SYCP1: variants seen among roughly 807,000 people sequenced by gnomAD.
SYCP1 encodes the protein synaptonemal complex protein 1.
In SYCP1, 64 loss-of-function variants were observed where a neutral mutation model predicts 153.1. That is an observed-to-expected ratio of 0.42 (90% CI 0.34 to 0.51). The LOEUF (loss-of-function observed/expected upper bound fraction) is 0.51. Among genes scored for constraint, SYCP1 ranks in the 20% least tolerant of loss-of-function variants. The probability of loss-of-function intolerance (pLI) is 0.06; values close to 1 mark genes in which losing one functional copy is unlikely to be tolerated. For synonymous variants in SYCP1, 384 were observed against 341.8 expected (o/e 1.12, Z -1.36); for missense variants, 997 against 1,049.0 (o/e 0.95, Z 0.68).
At chr1:114,918,618 G>T (rs1048577442) in intron 20 of SYCP1, among the ~76,000 whole-genome samples, 1 of 151,900 alleles carries the variant, frequency 6.6e-6, no homozygotes, top group Non-Finnish European at 1.5e-5. Flanking sequence ...GTTCCAGTCC[G>T]TGAACACGTA....
chr1:114,934,976 C>T (rs1669896657), intron 23 of SYCP1, among the ~76,000 whole-genome samples: 1 of 152,182 alleles, frequency 6.6e-6, no homozygotes, highest in Non-Finnish European at 1.5e-5. Context: ...TAACACCCAA[C>T]TGTCAACATT....
At chr1:114,933,453 A>G (rs953569236) in intron 23 of SYCP1, among the ~76,000 whole-genome samples, 11 of 152,214 alleles carry the variant, frequency 7.2e-5, no homozygotes, top group Non-Finnish European at 1.3e-4. Context: ...GAGAAACCAG[A>G]GCAGAAAAGC....
chr1:114,981,527 T>A lies in SYCP1; in HGVS notation c.2559+15T>A, dbSNP rs775766097. 3.2e-6 allele frequency: 5 copies of A among 1,573,590 alleles called. No individual in the cohort carries two copies. Among genetic ancestry groups the A allele is most frequent in the Non-Finnish European group, 4.3e-6 (5 of 1,168,174 alleles). On this transcript the variant is annotated intron_variant, in intron 29 of 31. Transcript: ENST00000369522. ...CATTGCCAAAGGTTTGTGTCTAAAT[T>A]TTCCATGTTAGTAGTAATTTTTTAA...
chr1:114,885,559 A>T lies in SYCP1; in HGVS notation c.935A>T (p.Gln312Leu). 6.3e-7 allele frequency: 1 copy of T among 1,578,728 alleles called. No individual in the cohort carries two copies. The highest frequency in any genetic ancestry group is 1.1e-5 in the South Asian group (1 of 87,044). The change falls in exon 13 of 32, where the codon CAA becomes CTA. Residue 312 changes from glutamine (Q) to leucine (L), a missense_variant. By Grantham distance (113) the Gln-to-Leu change is moderately radical. This residue lies in a region of SYCP1 where 285 missense variants were observed against 366.1 expected (regional missense o/e 0.78). Transcript: ENST00000369522. ...KTKLQSENLK[Q>L]SIEKQHHLTK... is the part of the protein sequence containing the mutation. Reference sequence around the variant, plus strand: ...GAATTACAGAGTGAAAACTTAAAACAATCAATTGAGAAACAGCATCATTTG... The same window carrying T: ...GAATTACAGAGTGAAAACTTAAAACTATCAATTGAGAAACAGCATCATTTG...
At chr1:114,898,347 T>C (rs1667195854) in intron 16 of SYCP1, among the ~76,000 whole-genome samples, 1 of 152,198 alleles carries the variant, frequency 6.6e-6, no homozygotes, top group Non-Finnish European at 1.5e-5. Context: ...TGCATTGTGC[T>C]TGGCTTTGGC....
chr1:114,856,507 T>C, intron 2 of SYCP1, 66 bp from the exon 3 acceptor site: 1 of 1,076,650 alleles, frequency 9.3e-7, no homozygotes. Context: ...CATATGTATA[T>C]ATTACACTAT....
At chr1:114,858,187 A>C (rs1283065926) in intron 5 of SYCP1, among the ~76,000 whole-genome samples, 1 of 152,082 alleles carries the variant, frequency 6.6e-6, no homozygotes, top group Non-Finnish European at 1.5e-5. Flanking sequence ...GTGAATCTTC[A>C]AACTGTTTGT....
chr1:114,905,163 T>A (rs1667734400), intron 16 of SYCP1, among the ~76,000 whole-genome samples: 1 of 152,202 alleles, frequency 6.6e-6, no homozygotes, highest in Non-Finnish European at 1.5e-5. Context: ...GCTATCTGTG[T>A]CTGGTTTTGG....
At chr1:114,964,246 T>G (rs1161817093) in intron 27 of SYCP1, among the ~76,000 whole-genome samples, 1 of 152,246 alleles carries the variant, frequency 6.6e-6, no homozygotes, top group Non-Finnish European at 1.5e-5. Context: ...TAAATTTGTT[T>G]AAGTTCCTTG....
At chr1:114,871,876 G>T (rs1665161300) in intron 8 of SYCP1, among the ~76,000 whole-genome samples, 1 of 152,184 alleles carries the variant, frequency 6.6e-6, no homozygotes, top group Admixed American at 6.5e-5. Context: ...GTGAGCCACT[G>T]CGCCTGGCCC....
At chr1:114,877,186 A>G (rs1222021379) in intron 11 of SYCP1, among the ~76,000 whole-genome samples, 1 of 152,156 alleles carries the variant, frequency 6.6e-6, no homozygotes, top group Non-Finnish European at 1.5e-5. Flanking sequence ...GCTATTCATA[A>G]TATCAATGAA....
intron 30 of SYCP1, among the ~76,000 whole-genome samples, chr1:114,985,319 A>G (rs1461223784): frequency 6.6e-6 from 1 of 151,962 alleles, no homozygotes; most frequent in African/African-American, 2.4e-5. Flanking sequence ...CAACTATAAC[A>G]TTTCCATCAC....
chr1:114,927,825 A>G (rs549389377), intron 23 of SYCP1, among the ~76,000 whole-genome samples: 21 of 152,094 alleles, frequency 1.4e-4, no homozygotes, highest in Non-Finnish European at 2.1e-4. Context: ...GGCAAATAAA[A>G]TTTTCGTTTT....
chr1:114,857,347 T>G (rs994933641), intron 4 of SYCP1, 72 bp downstream of exon 4: 3 of 1,544,676 alleles, frequency 1.9e-6, no homozygotes, highest in Non-Finnish European at 2.6e-6. Context: ...ACGAAAAAAG[T>G]CTTTAGTTAT....
At position 114,921,828 on chromosome 1, in the gene SYCP1, G is replaced by T. The variant is rs551967001; in HGVS notation, c.1719-1621G>T. ...TTACCATTTCTTGTAAGACAGGTCT[G>T]GTGTTAATGAAATTTCTTAGCTTAT... is the stretch of plus-strand genomic sequence containing the variant. On this transcript the variant is annotated intron_variant, in intron 20 of 31. Coordinates refer to ENST00000369522, the MANE Select transcript of SYCP1 (RefSeq NM_003176.4). Among the ~76,000 whole-genome samples, 3 of 152,176 alleles carry T rather than the reference G, an allele frequency of 2.0e-5. No individual in the cohort carries two copies. The South Asian group carries it at 6.2e-4, about 31-fold the overall frequency.
rs1666905966 is a variant in SYCP1 at position 114,894,063 on chromosome 1, AC to A, written c.1259-1384del. Among the ~76,000 whole-genome samples the A allele has an allele frequency of 2.0e-5, 3 of 148,902 alleles. No individual in the cohort carries two copies. In the South Asian group the frequency reaches 6.4e-4, roughly 32 times the overall value. On this transcript the variant is annotated intron_variant, in intron 15 of 31. Transcript: ENST00000369522. ...TTCTTTTATATATATTTTTTCTCGT[AC>A]TTTTTTTTCTAATTTTGTGGGATTG... is the stretch of plus-strand genomic sequence containing the variant.
chr1:114,949,314 C>A (rs756576380), intron 27 of SYCP1, among the ~76,000 whole-genome samples: 18 of 152,158 alleles, frequency 1.2e-4, no homozygotes, highest in Non-Finnish European at 2.2e-4. Context: ...TGGAGTCTGT[C>A]TTGTCTTCAG....
intron 16 of SYCP1, among the ~76,000 whole-genome samples, chr1:114,902,327 AAGCCTTATGTTTCTCAAACAATATGTTGT>A (rs1667518424): frequency 6.6e-6 from 1 of 152,294 alleles, no homozygotes; most frequent in South Asian, 2.1e-4. Flanking sequence ...ACCCTTTCTC[AAGCCTTATGTTTCTCAAACAATATGTTGT>A]AGGAAAAACC....
intron 30 of SYCP1, among the ~76,000 whole-genome samples, chr1:114,990,057 G>C (rs1479116374): frequency 6.6e-6 from 1 of 151,876 alleles, no homozygotes; most frequent in Non-Finnish European, 1.5e-5. Context: ...TATTCTTTCA[G>C]GTGCCCATGA....
Sources: gnomAD v4.1 joint callset for allele counts (sites outside exome capture counted in the v4.1 genomes callset) on GRCh38, gnomAD v4.1.1 for gene constraint, gnomAD v4.1.1 regional missense constraint, MANE v1.5 for transcripts, NCBI Gene and HGNC (gene_info 2026-07-23, HGNC 2026-07-21) for gene names.